OPCML: variants seen among roughly 807,000 people sequenced by gnomAD.
OPCML encodes opioid-binding protein/cell adhesion molecule.
In OPCML, 13 loss-of-function variants were observed where a neutral mutation model predicts 37.8. The observed-to-expected ratio is 0.34, with a 90% CI of 0.22 to 0.55. The LOEUF is 0.55. OPCML is among the 20% of genes least tolerant of loss of function. The pLI, the probability that OPCML is intolerant of heterozygous loss-of-function variation, is 0.91. For missense variants in OPCML, 341 were observed against 435.6 expected (o/e 0.78, Z 1.93); for synonymous variants, 176 against 168.8 (o/e 1.04, Z -0.33).
chr11:132,726,081 G>C (rs923240465), intron 2 of OPCML, among the ~76,000 whole-genome samples: 2 of 152,116 alleles, frequency 1.3e-5, no homozygotes, highest in South Asian at 2.1e-4. Flanking sequence ...CCTCCAAACT[G>C]TTCCAACCTC....
At chr11:133,032,533 A>G (rs1178511416) in intron 1 of OPCML, among the ~76,000 whole-genome samples, 1 of 152,228 alleles carries the variant, frequency 6.6e-6, no homozygotes, top group African/African-American at 2.4e-5. Context: ...TGATGCCTCA[A>G]ATGTACGATA....
chr11:132,637,853 G>A (rs1180429400), intron 3 of OPCML, among the ~76,000 whole-genome samples: 2 of 151,776 alleles, frequency 1.3e-5, no homozygotes, highest in African/African-American at 2.4e-5. Context: ...AGGCTCTTCT[G>A]GGACCCAGAG....
At chr11:133,151,583 G>T (rs967717425) in intron 1 of OPCML, among the ~76,000 whole-genome samples, 1 of 152,160 alleles carries the variant, frequency 6.6e-6, no homozygotes, top group Non-Finnish European at 1.5e-5. Context: ...TGAGGAAAGT[G>T]CAGTTATGAT....
intron 7 of OPCML, among the ~76,000 whole-genome samples, chr11:132,424,878 C>G (rs2095972889): frequency 6.6e-6 from 1 of 152,144 alleles, no homozygotes; most frequent in African/African-American, 2.4e-5. Flanking sequence ...TAGATAGTTC[C>G]AAAATATGTT....
At chr11:132,516,665 G>C (rs1016969151) in intron 4 of OPCML, among the ~76,000 whole-genome samples, 1 of 151,332 alleles carries the variant, frequency 6.6e-6, no homozygotes, top group Admixed American at 6.6e-5. Context: ...CAAACTAATT[G>C]CTCTTCATAA....
intron 2 of OPCML, among the ~76,000 whole-genome samples, chr11:132,698,241 A>G (rs115306551): frequency 0.011 from 1,735 of 152,182 alleles, 25 homozygotes; most frequent in African/African-American, 0.039. Flanking sequence ...CAATGGCTAT[A>G]CCAATTCAAA....
At chr11:132,614,009 T>A (rs1029445391) in intron 3 of OPCML, among the ~76,000 whole-genome samples, 1 of 152,108 alleles carries the variant, frequency 6.6e-6, no homozygotes, top group Non-Finnish European at 1.5e-5. Context: ...AAAGTCAATC[T>A]ATGTTAACTA....
chr11:133,137,152 T>C (rs1191901868), intron 1 of OPCML, among the ~76,000 whole-genome samples: 2 of 152,014 alleles, frequency 1.3e-5, no homozygotes, highest in Non-Finnish European at 2.9e-5. Context: ...TGGGGGGCAT[T>C]TTTACAGAGC....
chr11:133,467,444 C>T (rs1244247420), intron 1 of OPCML, among the ~76,000 whole-genome samples: 1 of 152,148 alleles, frequency 6.6e-6, no homozygotes, highest in African/African-American at 2.4e-5. Context: ...AAATAAATTG[C>T]ATGTGTTTGT....
At chr11:132,597,429 C>T (rs1031821324) in intron 3 of OPCML, among the ~76,000 whole-genome samples, 1 of 152,196 alleles carries the variant, frequency 6.6e-6, no homozygotes, top group Admixed American at 6.5e-5. Context: ...CGTGATGATT[C>T]TGACGATCTT....
chr11:132,642,041 T>C (rs1289116403), intron 3 of OPCML, among the ~76,000 whole-genome samples: 1 of 152,200 alleles, frequency 6.6e-6, no homozygotes, highest in African/African-American at 2.4e-5. Flanking sequence ...CTGGATGTGA[T>C]TACAGATAAG....
At chr11:133,358,957 T>TG (rs983370933) in intron 1 of OPCML, among the ~76,000 whole-genome samples, 54 of 146,568 alleles carry the variant, frequency 3.7e-4, no homozygotes, top group Non-Finnish European at 6.8e-4. Context: ...TGTGTGTAGG[T>TG]GGGGGGACCA....
At chr11:132,911,044 A>G (rs549238361) in intron 2 of OPCML, among the ~76,000 whole-genome samples, 57 of 152,246 alleles carry the variant, frequency 3.7e-4, no homozygotes, top group Non-Finnish European at 7.6e-4. Flanking sequence ...ACCTTCCAAG[A>G]TCATACATCT....
intron 1 of OPCML, among the ~76,000 whole-genome samples, chr11:133,523,083 G>A (rs571562617): frequency 5.9e-5 from 9 of 152,212 alleles, no homozygotes; most frequent in Admixed American, 5.9e-4. Flanking sequence ...ACCACAGACA[G>A]AATCCAGAAG....
intron 1 of OPCML, among the ~76,000 whole-genome samples, chr11:132,967,794 T>C (rs979563366): frequency 3.3e-5 from 5 of 152,214 alleles, no homozygotes; most frequent in Admixed American, 6.5e-5. Flanking sequence ...CTCAAGACTA[T>C]GCTGCAGTAT....
intron 4 of OPCML, among the ~76,000 whole-genome samples, chr11:132,480,472 C>G (rs1285184442): frequency 2.6e-5 from 4 of 152,158 alleles, no homozygotes; most frequent in Admixed American, 6.5e-5. Flanking sequence ...AGAACTTCCC[C>G]AATCTAGCAA....
At chr11:132,739,330 AT>A (rs1945364062) in intron 2 of OPCML, among the ~76,000 whole-genome samples, 1 of 152,150 alleles carries the variant, frequency 6.6e-6, no homozygotes, top group Non-Finnish European at 1.5e-5. Context: ...CTGTAAATAC[AT>A]TTTTATGGGT....
At chr11:132,660,443 AG>A (rs1941916165) in intron 2 of OPCML, among the ~76,000 whole-genome samples, 1 of 152,180 alleles carries the variant, frequency 6.6e-6, no homozygotes, top group Admixed American at 6.5e-5. Context: ...TGACTCGCAA[AG>A]GGGTTTATAA....
intron 2 of OPCML, among the ~76,000 whole-genome samples, chr11:132,869,222 A>G (rs1208334764): frequency 6.6e-6 from 1 of 152,174 alleles, no homozygotes; most frequent in Non-Finnish European, 1.5e-5. Flanking sequence ...CTTCCAGAAC[A>G]TACCTGCTCT....
Sources: gnomAD v4.1 joint callset for allele counts (sites outside exome capture counted in the v4.1 genomes callset) on GRCh38, gnomAD v4.1.1 for gene constraint, MANE v1.5 for transcripts, NCBI Gene and HGNC (gene_info 2026-07-23, HGNC 2026-07-21) for gene names.